SLC10A7: variants seen among roughly 807,000 people sequenced by gnomAD.
SLC10A7 encodes the protein sodium/bile acid cotransporter 7.
In SLC10A7, 29 loss-of-function variants were observed where a neutral mutation model predicts 43.2. That is an observed-to-expected ratio of 0.67 (90% CI 0.50 to 0.92). The LOEUF is 0.92. SLC10A7 is among the 40% of genes least tolerant of loss of function. SLC10A7 has a pLI of 0.00. For missense variants in SLC10A7, 295 were observed against 403.2 expected (o/e 0.73, Z 2.30); for synonymous variants, 152 against 144.8 (o/e 1.05, Z -0.35).
chr4:146,464,116 C>T (rs374692531), intron 4 of SLC10A7, among the ~76,000 whole-genome samples: 6 of 151,696 alleles, frequency 4.0e-5, no homozygotes, highest in East Asian at 1.9e-4. Flanking sequence ...TGAGTCACCA[C>T]GCCTGGCCCC....
chr4:146,305,225 C>G (rs956542428), intron 7 of SLC10A7, among the ~76,000 whole-genome samples: 15 of 150,668 alleles, frequency 1.0e-4, no homozygotes, highest in African/African-American at 3.7e-4. Context: ...CACATATACA[C>G]CATGGAATAC....
intron 3 of SLC10A7, among the ~76,000 whole-genome samples, chr4:146,505,531 G>T (rs1021293819): frequency 6.6e-6 from 1 of 152,046 alleles, no homozygotes; most frequent in Non-Finnish European, 1.5e-5. Context: ...AGTGTTCAAG[G>T]TCAACTATAT....
intron 4 of SLC10A7, among the ~76,000 whole-genome samples, chr4:146,448,027 T>G (rs1392444251): frequency 6.6e-6 from 1 of 150,852 alleles, no homozygotes; most frequent in Non-Finnish European, 1.5e-5. Flanking sequence ...TGAGAACACA[T>G]GGACACAGGA....
At chr4:146,442,172 T>G (rs1322702354) in intron 5 of SLC10A7, 1 of 971,706 alleles carries the variant, frequency 1.0e-6, no homozygotes, top group Admixed American at 6.2e-5. Context: ...AAATAATGAT[T>G]AAAAATGCTA....
chr4:146,278,172 T>G (rs1202790632), intron 10 of SLC10A7, among the ~76,000 whole-genome samples: 1 of 152,122 alleles, frequency 6.6e-6, no homozygotes, highest in Non-Finnish European at 1.5e-5. Context: ...GTTTAAAGAT[T>G]TTTTTTCTAT....
chr4:146,283,327 A>T (rs1729669420), intron 9 of SLC10A7, 62 bp from the exon 10 acceptor site: 1 of 1,321,014 alleles, frequency 7.6e-7, no homozygotes, highest in Non-Finnish European at 1.1e-6. Context: ...CACATTCAAA[A>T]TCAAATGTAG....
chr4:146,397,503 C>T (rs1738916982), intron 5 of SLC10A7, among the ~76,000 whole-genome samples: 1 of 152,148 alleles, frequency 6.6e-6, no homozygotes, highest in Non-Finnish European at 1.5e-5. Flanking sequence ...CTTGAAGAAA[C>T]CATAACTATG....
At chr4:146,344,255 CA>C (rs1223404009) in intron 5 of SLC10A7, among the ~76,000 whole-genome samples, 1 of 151,958 alleles carries the variant, frequency 6.6e-6, no homozygotes, top group African/African-American at 2.4e-5. Flanking sequence ...CACCAGTAAC[CA>C]ATGCAAAAAT....
At chr4:146,358,439 T>C (rs1735812367) in intron 5 of SLC10A7, among the ~76,000 whole-genome samples, 1 of 152,166 alleles carries the variant, frequency 6.6e-6, no homozygotes, top group African/African-American at 2.4e-5. Context: ...ATATGTCTTA[T>C]ACATACATAC....
intron 4 of SLC10A7, among the ~76,000 whole-genome samples, chr4:146,463,098 A>C (rs556690057): frequency 9.8e-5 from 15 of 152,320 alleles, no homozygotes; most frequent in African/African-American, 3.6e-4. Flanking sequence ...AAGTAAAATA[A>C]AGAAATACAG....
chr4:146,492,602 G>A (rs888343823), intron 4 of SLC10A7, among the ~76,000 whole-genome samples: 47 of 152,064 alleles, frequency 3.1e-4, no homozygotes, highest in African/African-American at 1.1e-3. Context: ...AAACTCCTAA[G>A]CTCGTGATCC....
At chr4:146,276,971 A>G (rs1159198623) in intron 10 of SLC10A7, among the ~76,000 whole-genome samples, 1 of 152,062 alleles carries the variant, frequency 6.6e-6, no homozygotes, top group East Asian at 1.9e-4. Flanking sequence ...AATCCACTGA[A>G]AAAGGGACAG....
chr4:146,299,141 T>C (rs566322271), intron 7 of SLC10A7, among the ~76,000 whole-genome samples: 32 of 152,246 alleles, frequency 2.1e-4, no homozygotes, highest in Admixed American at 9.8e-4. Context: ...CCAGTAATGA[T>C]AAAACCTCAT....
chr4:146,519,339 T>G, intron 1 of SLC10A7, among the ~76,000 whole-genome samples: 1 of 145,274 alleles, frequency 6.9e-6, no homozygotes, highest in African/African-American at 2.5e-5. Context: ...TAATATATAA[T>G]ATTATCTATA....
chr4:146,313,841 T>C (rs1464489069), intron 6 of SLC10A7, among the ~76,000 whole-genome samples: 1 of 152,182 alleles, frequency 6.6e-6, no homozygotes, highest in Non-Finnish European at 1.5e-5. Flanking sequence ...GCAGTCAATT[T>C]CTTCTCTAAA....
At chr4:146,305,181 T>C (rs1030656891) in intron 7 of SLC10A7, among the ~76,000 whole-genome samples, 4 of 150,132 alleles carry the variant, frequency 2.7e-5, no homozygotes, top group African/African-American at 7.4e-5. Context: ...AACCCAAATG[T>C]CCAACAATGA....
At chr4:146,386,934 G>C (rs1738047002) in intron 5 of SLC10A7, among the ~76,000 whole-genome samples, 1 of 152,144 alleles carries the variant, frequency 6.6e-6, no homozygotes, top group East Asian at 1.9e-4. Flanking sequence ...CTTACATATA[G>C]GAGATACTCA....
At chr4:146,371,802 A>T (rs1432622693) in intron 5 of SLC10A7, among the ~76,000 whole-genome samples, 1 of 152,202 alleles carries the variant, frequency 6.6e-6, no homozygotes, top group Non-Finnish European at 1.5e-5. Flanking sequence ...AATAAGTATT[A>T]TTGCTACTAT....
chr4:146,484,493 A>AT (rs1471439671), intron 4 of SLC10A7, among the ~76,000 whole-genome samples: 2 of 152,196 alleles, frequency 1.3e-5, no homozygotes, highest in Non-Finnish European at 2.9e-5. Flanking sequence ...TGAAATCTAA[A>AT]TTTTTTTAAA....
Sources: gnomAD v4.1 joint callset for allele counts (sites outside exome capture counted in the v4.1 genomes callset) on GRCh38, gnomAD v4.1.1 for gene constraint, MANE v1.5 for transcripts, NCBI Gene and HGNC (gene_info 2026-07-23, HGNC 2026-07-21) for gene names.